AFAP1: variants seen among roughly 807,000 people sequenced by gnomAD.
The protein encoded by AFAP1 is actin filament-associated protein 1.
In AFAP1, 75 loss-of-function variants were observed where a neutral mutation model predicts 93.9. The ratio of observed to expected loss-of-function variants is 0.80; its 90% CI spans 0.66 to 0.97. The LOEUF is 0.97. AFAP1 is among the 50% of genes least tolerant of loss of function. AFAP1 has a pLI of 0.00. For missense variants in AFAP1, 1,201 were observed against 1,050.8 expected (o/e 1.14, Z -1.98); for synonymous variants, 517 against 430.7 (o/e 1.20, Z -2.48).
chr4:7,855,683 T>A, intron 3 of AFAP1, 109 bp from the exon 4 acceptor site: 1 of 911,328 alleles, frequency 1.1e-6, no homozygotes, highest in South Asian at 1.4e-5. Context: ...CTTTGTAAAG[T>A]CTTCGGCAAA....
chr4:7,769,126 G>T, intron 16 of AFAP1, 118 bp from the exon 17 acceptor site: 1 of 1,323,908 alleles, frequency 7.6e-7, no homozygotes, highest in Non-Finnish European at 1.0e-6. Context: ...AAAAATAACA[G>T]CAGTAGCAGC....
intron 1 of AFAP1, among the ~76,000 whole-genome samples, chr4:7,921,605 G>T (rs185665067): frequency 6.6e-6 from 1 of 152,142 alleles, no homozygotes; most frequent in Admixed American, 6.5e-5. Flanking sequence ...CAATCCTAAC[G>T]GAAGGGAATC....
At chr4:7,926,571 G>A (rs1373740503) in intron 1 of AFAP1, among the ~76,000 whole-genome samples, 3 of 152,064 alleles carry the variant, frequency 2.0e-5, no homozygotes, top group Non-Finnish European at 4.4e-5. Flanking sequence ...AAGCAAATGG[G>A]GAGGCCAGGT....
intron 1 of AFAP1, among the ~76,000 whole-genome samples, chr4:7,924,184 A>T (rs566255372): frequency 1.3e-5 from 2 of 152,224 alleles, no homozygotes; most frequent in Non-Finnish European, 2.9e-5. Context: ...GCCACCAAAA[A>T]AGCTGGAACG....
At chr4:7,808,463 A>T (rs1017565128) in intron 9 of AFAP1, among the ~76,000 whole-genome samples, 1 of 152,128 alleles carries the variant, frequency 6.6e-6, no homozygotes, top group Admixed American at 6.5e-5. Context: ...ACTGGAAGCC[A>T]TGGGGGGCCA....
chr4:7,819,509 C>A (rs1440292032), intron 6 of AFAP1, among the ~76,000 whole-genome samples: 6 of 152,138 alleles, frequency 3.9e-5, no homozygotes, highest in African/African-American at 1.2e-4. Flanking sequence ...GTAAGTGCCA[C>A]AAAGAACAAA....
intron 9 of AFAP1, among the ~76,000 whole-genome samples, chr4:7,802,639 C>CTTTTTTT: frequency 7.8e-6 from 1 of 127,908 alleles, no homozygotes; most frequent in Non-Finnish European, 1.6e-5. Flanking sequence ...TACATTTATT[C>CTTTTTTT]TTTTTTTTTT....
At chr4:7,845,888 G>A (rs1440066519) in intron 4 of AFAP1, among the ~76,000 whole-genome samples, 1 of 152,170 alleles carries the variant, frequency 6.6e-6, no homozygotes, top group Non-Finnish European at 1.5e-5. Flanking sequence ...AGGGGTGGGG[G>A]GGGCAAGATC....
rs569595886 is a variant in AFAP1 at position 7,861,231 on chromosome 4, T to C, written c.226-5657A>G. ...AATCAGGGCTCCAGTTCCATTTCTA[T>C]CACATATTGGCGAAACCCTTTTCTA... is the stretch of plus-strand genomic sequence containing the variant. On this transcript the variant is annotated intron_variant, in intron 3 of 17. Coordinates refer to ENST00000420658, the MANE Select transcript of AFAP1 (RefSeq NM_001134647.2). Among the ~76,000 whole-genome samples the C allele has an allele frequency of 3.9e-5, 6 of 152,312 alleles. No homozygotes were observed. In the South Asian group the frequency reaches 8.3e-4, roughly 21 times the overall value.
At chr4:7,862,682 C>G (rs1204831635) in intron 3 of AFAP1, among the ~76,000 whole-genome samples, 1 of 152,172 alleles carries the variant, frequency 6.6e-6, no homozygotes, top group African/African-American at 2.4e-5. Context: ...AGTTCTGGCC[C>G]TAAAATACCA....
intron 4 of AFAP1, 91 bp downstream of exon 4, chr4:7,855,375 C>T (rs1024466493): frequency 2.2e-5 from 22 of 998,450 alleles, no homozygotes; most frequent in Non-Finnish European, 3.3e-5. Context: ...TTATAATACC[C>T]TGTTGCCCTT....
rs116028553 is a variant in AFAP1 at position 7,924,950 on chromosome 4, G to C, written c.-3+14706C>G. 6.3e-3 allele frequency among the ~76,000 whole-genome samples: 963 copies of C among 152,082 alleles called. 12 individuals are homozygous for C. The highest frequency in any genetic ancestry group is 0.022 in the African/African-American group (924 of 41,462). ...AAATACGCCCCTAACCAATCACATA[G>C]GACACCCCACTTCTGCAGAGCCACC... On this transcript the variant is annotated intron_variant, in intron 1 of 17. Transcript: ENST00000420658.
At chr4:7,886,595 T>C (rs1198691124) in intron 1 of AFAP1, among the ~76,000 whole-genome samples, 1 of 152,224 alleles carries the variant, frequency 6.6e-6, no homozygotes, top group Non-Finnish European at 1.5e-5. Context: ...CAGAACACTT[T>C]ACTTCGGGAA....
At chr4:7,838,961 A>T (rs932898642) in intron 5 of AFAP1, among the ~76,000 whole-genome samples, 3 of 152,192 alleles carry the variant, frequency 2.0e-5, no homozygotes, top group African/African-American at 7.2e-5. Flanking sequence ...AGGATTCAAC[A>T]AACACCAAAA....
intron 3 of AFAP1, chr4:7,861,946 A>C (rs1715750921): frequency 6.6e-6 from 1 of 152,258 alleles, no homozygotes; most frequent in Non-Finnish European, 1.5e-5. Flanking sequence ...TCGTAATGTC[A>C]TCTGTGAAAC....
intron 15 of AFAP1, chr4:7,774,096 C>T (rs1414477392): frequency 1.3e-5 from 2 of 152,590 alleles, no homozygotes; most frequent in African/African-American, 4.8e-5. Flanking sequence ...TAAGCGGTGC[C>T]ACCCCAGGCT....
intron 17 of AFAP1, among the ~76,000 whole-genome samples, chr4:7,767,627 C>T (rs1324437054): frequency 6.6e-6 from 1 of 152,142 alleles, no homozygotes; most frequent in African/African-American, 2.4e-5. Flanking sequence ...GTACACGGAT[C>T]TGCTATGGAG....
intron 11 of AFAP1, among the ~76,000 whole-genome samples, chr4:7,789,401 CCG>C (rs1717623400): frequency 1.4e-5 from 2 of 143,954 alleles, no homozygotes; most frequent in South Asian, 2.3e-4. Context: ...CGCACCAGCC[CCG>C]GCTTTCCATC....
chr4:7,938,878 G>A (rs1299743897), intron 1 of AFAP1: 1 of 152,126 alleles, frequency 6.6e-6, no homozygotes, highest in African/African-American at 2.4e-5. Flanking sequence ...CGCCCCCCGG[G>A]GCCCGCCGGC....
Sources: allele counts gnomAD v4.1 joint callset (sites outside exome capture counted in the v4.1 genomes callset), GRCh38; gene constraint gnomAD v4.1.1; transcripts MANE v1.5; gene names NCBI Gene and HGNC (gene_info 2026-07-23, HGNC 2026-07-21).